Variants in PCBP2 observed in about 807,000 individuals in gnomAD.
PCBP2 encodes the protein poly(rC) binding protein 2, also known as poly(rC)-binding protein 2.
In PCBP2, 4 loss-of-function variants were observed where a neutral mutation model predicts 50.1. The observed-to-expected ratio is 0.08, with a 90% CI of 0.04 to 0.18. The LOEUF (loss-of-function observed/expected upper bound fraction) is 0.18. Ranked by LOEUF, PCBP2 falls within the 10% of genes least tolerant of loss-of-function variation. The pLI is 1.00. For missense variants in PCBP2, 161 were observed against 474.3 expected, an observed-to-expected ratio of 0.34 and a Z score of 6.14; for synonymous variants, 179 against 168.0, an observed-to-expected ratio of 1.07 and a Z score of -0.51.
chr12:53,474,338 C>G (rs1942437029), intron 14 of PCBP2, among the ~76,000 whole-genome samples: 2 of 152,210 alleles, frequency 1.3e-5, no homozygotes, highest in South Asian at 2.1e-4. Context: ...ACTCTTGTCT[C>G]TTTCCACCCT....
In PCBP2 at chr12:53,454,768, C is replaced by G. The variant is rs746289406; in HGVS notation, c.-33C>G. On this transcript the variant is annotated 5_prime_UTR_variant, in exon 2 of 15. Transcript: ENST00000546463. ...CAACCAGTGACCAAAGACTTGACCACTCAAAGTCCAGCTCCCCAGAACACT... is the reference window on the plus strand; with the variant it reads ...CAACCAGTGACCAAAGACTTGACCAGTCAAAGTCCAGCTCCCCAGAACACT... 6.2e-7 allele frequency: 1 copy of G among 1,603,846 alleles called. No homozygotes were observed. Among genetic ancestry groups the G allele is most frequent in the Admixed American group, 1.7e-5 (1 of 59,974 alleles).
At chr12:53,462,674 C>G in intron 8 of PCBP2, 107 bp downstream of exon 8, 2 of 791,886 alleles carry the variant, frequency 2.5e-6, no homozygotes, top group Non-Finnish European at 4.0e-6. Context: ...GAAACCTATA[C>G]TCTGGCCATA....
chr12:53,469,009 TCTC>T (rs1488762904), intron 13 of PCBP2, among the ~76,000 whole-genome samples, 177 bp downstream of exon 13: 1 of 151,068 alleles, frequency 6.6e-6, no homozygotes, highest in African/African-American at 2.4e-5. Flanking sequence ...TTCAACCAAT[TCTC>T]CTGCCTCAAC....
chr12:53,472,005 G>A (rs988696539), intron 14 of PCBP2, among the ~76,000 whole-genome samples, 198 bp downstream of exon 14: 2 of 46,488 alleles, frequency 4.3e-5, no homozygotes, highest in Non-Finnish European at 6.7e-5. Context: ...AGGGGTTGGT[G>A]GGGGGGGGAG....
chr12:53,478,910 AC>A (rs1942854443), intron 14 of PCBP2, among the ~76,000 whole-genome samples: 1 of 151,702 alleles, frequency 6.6e-6, no homozygotes, highest in African/African-American at 2.4e-5. Flanking sequence ...ACCTCATAAT[AC>A]CCTACACATT....
intron 5 of PCBP2, among the ~76,000 whole-genome samples, chr12:53,456,560 T>G (rs1417953645): frequency 6.6e-6 from 1 of 152,238 alleles, no homozygotes; most frequent in Non-Finnish European, 1.5e-5. Flanking sequence ...AGTATGCCAT[T>G]GCTTTGGTAA....
intron 8 of PCBP2, 62 bp downstream of exon 8, chr12:53,462,629 G>T: frequency 7.1e-7 from 1 of 1,409,548 alleles, no homozygotes; most frequent in Non-Finnish European, 1.0e-6. Context: ...TGTCAACTTT[G>T]CCAGCATCAC....
At chr12:53,469,819 G>A (rs1001760564) in intron 13 of PCBP2, among the ~76,000 whole-genome samples, 1 of 126,220 alleles carries the variant, frequency 7.9e-6, no homozygotes, top group African/African-American at 3.1e-5. Flanking sequence ...TTGGCTCACT[G>A]TGACCTCCGT....
intron 8 of PCBP2, chr12:53,464,457 C>G (rs1941682254): frequency 3.1e-6 from 1 of 326,884 alleles, no homozygotes; most frequent in Admixed American, 5.7e-5. Flanking sequence ...TCTTTTGTTC[C>G]TTTGTGGCAA....
chr12:53,474,385 T>G (rs1054122832), intron 14 of PCBP2, among the ~76,000 whole-genome samples: 1 of 152,238 alleles, frequency 6.6e-6, no homozygotes, highest in Admixed American at 6.5e-5. Flanking sequence ...GTAAGCAGAC[T>G]TTAATACATA....
intron 14 of PCBP2, among the ~76,000 whole-genome samples, chr12:53,478,585 C>G (rs1942819689): frequency 6.6e-6 from 1 of 152,162 alleles, no homozygotes; most frequent in Non-Finnish European, 1.5e-5. Flanking sequence ...AGGCAGATCA[C>G]CTGAGGTCAG....
intron 12 of PCBP2, chr12:53,468,465 T>A (rs1179065106): frequency 1.8e-5 from 7 of 378,400 alleles, no homozygotes; most frequent in Non-Finnish European, 3.4e-5. Flanking sequence ...GAAGGACTTG[T>A]TTAGACATTG....
intron 12 of PCBP2, chr12:53,468,461 C>G: frequency 5.5e-6 from 2 of 362,856 alleles, no homozygotes; most frequent in Non-Finnish European, 1.0e-5. Context: ...TACAGAAGGA[C>G]TTGTTTAGAC....
chr12:53,462,668 C>T, intron 8 of PCBP2, 101 bp downstream of exon 8: 1 of 851,764 alleles, frequency 1.2e-6, no homozygotes, highest in South Asian at 1.9e-5. Context: ...CTTGCTGAAA[C>T]CTATACTCTG....
chr12:53,472,024 G>T (rs993659380), intron 14 of PCBP2, among the ~76,000 whole-genome samples: 3 of 147,178 alleles, frequency 2.0e-5, no homozygotes, highest in Non-Finnish European at 4.5e-5. Context: ...AGCACAGATT[G>T]CCCGCATTTA....
At chr12:53,453,903 TAAAAAC>T (rs1207178642) in intron 1 of PCBP2, among the ~76,000 whole-genome samples, 2 of 152,224 alleles carry the variant, frequency 1.3e-5, no homozygotes, top group African/African-American at 2.4e-5. Context: ...CTGCTGTTCT[TAAAAAC>T]AAAAAATTTT....
chr12:53,470,010 C>T (rs930597255), intron 13 of PCBP2, among the ~76,000 whole-genome samples: 4 of 151,836 alleles, frequency 2.6e-5, no homozygotes, highest in East Asian at 1.9e-4. Context: ...CCTCCCAAAG[C>T]GTTGGGATTA....
At chr12:53,475,436 A>C (rs1402351077) in intron 14 of PCBP2, 3 of 293,678 alleles carry the variant, frequency 1.0e-5, no homozygotes, top group African/African-American at 6.7e-5. Context: ...CTTTATCTAG[A>C]GCCACAGTTT....
At chr12:53,454,957 T>G (rs1306428892) in intron 2 of PCBP2, 88 bp downstream of exon 2, 24 of 1,102,508 alleles carry the variant, frequency 2.2e-5, no homozygotes, top group Middle Eastern at 1.9e-4. Flanking sequence ...CTCATCAGAT[T>G]AGCACTGTGG....
Sources: gnomAD v4.1 joint callset for allele counts (sites outside exome capture counted in the v4.1 genomes callset) on GRCh38, gnomAD v4.1.1 for gene constraint, MANE v1.5 for transcripts, NCBI Gene and HGNC (gene_info 2026-07-23, HGNC 2026-07-21) for gene names.